The following NSMCE1 variants were observed in gnomAD, a reference collection of about 807,000 sequenced individuals.
NSMCE1 encodes NSE1 component of SMC5/6 complex, also known as non-structural maintenance of chromosomes element 1 homolog.
Under a neutral mutation model 29.6 loss-of-function variants are expected in NSMCE1, and 18 were observed. The ratio of observed to expected loss-of-function variants is 0.61; its 90% CI spans 0.42 to 0.90. The LOEUF (loss-of-function observed/expected upper bound fraction) is 0.90, where lower values mean the gene tolerates loss of function less well. Among genes scored for constraint, NSMCE1 ranks in the 40% least tolerant of loss-of-function variants. NSMCE1 has a pLI of 0.00. For missense variants in NSMCE1, 314 were observed against 343.6 expected (o/e 0.91, Z 0.68); for synonymous variants, 124 against 133.4 (o/e 0.93, Z 0.49).
chr16:27,249,435 T>C (rs548681095), intron 2 of NSMCE1, among the ~76,000 whole-genome samples: 1 of 152,238 alleles, frequency 6.6e-6, no homozygotes, highest in Non-Finnish European at 1.5e-5. Flanking sequence ...TATGACTCAT[T>C]TTGAGATAAT....
chr16:27,226,789 C>G lies in NSMCE1; in HGVS notation c.531G>C (p.Glu177Asp), dbSNP rs1127228. The G allele has an allele frequency of 6.2e-7, 1 of 1,611,782 alleles. No individual in the cohort carries two copies. The highest frequency in any genetic ancestry group is 1.3e-5 in the African/African-American group (1 of 74,852). The part of the protein sequence containing the change: ...TLHGRAILEM[E>D]QYIRETYPDA... ...CGGGGTACGTCTCCCGGATGTATTG[C>G]TCCATCTCCAGGATGGCCCGGCCGT... The change falls in exon 6 of 8, where the codon GAG becomes GAC. Residue 177 changes from glutamate (E) to aspartate (D), a missense_variant. By Grantham distance (45) the Glu-to-Asp change is conservative. Coordinates refer to ENST00000361439, the MANE Select transcript of NSMCE1 (RefSeq NM_145080.4).
intron 1 of NSMCE1, among the ~76,000 whole-genome samples, chr16:27,260,858 C>CAAAAAA (rs55762579): frequency 4.5e-5 from 4 of 87,968 alleles, no homozygotes; most frequent in Non-Finnish European, 9.0e-5. Context: ...GACCCTGTCT[C>CAAAAAA]AAAAAAAAAA....
chr16:27,244,936 T>G (rs1387265652), intron 2 of NSMCE1, among the ~76,000 whole-genome samples: 5 of 152,186 alleles, frequency 3.3e-5, no homozygotes, highest in Non-Finnish European at 5.9e-5. Flanking sequence ...CTTTGTGAAT[T>G]TTCTAGGAAA....
At chr16:27,256,039 T>A (rs964579343) in intron 2 of NSMCE1, among the ~76,000 whole-genome samples, 1 of 152,206 alleles carries the variant, frequency 6.6e-6, no homozygotes, top group African/African-American at 2.4e-5. Context: ...AGCTACAGGA[T>A]GCCTGTGGAC....
intron 2 of NSMCE1, among the ~76,000 whole-genome samples, chr16:27,243,845 C>T (rs2083921152): frequency 6.6e-6 from 1 of 152,168 alleles, no homozygotes; most frequent in Non-Finnish European, 1.5e-5. Context: ...ACCCTGAGGT[C>T]TCGCAATGTT....
At chr16:27,251,838 C>T (rs778540871) in intron 2 of NSMCE1, among the ~76,000 whole-genome samples, 29 of 152,160 alleles carry the variant, frequency 1.9e-4, no homozygotes, top group African/African-American at 5.6e-4. Flanking sequence ...AGTGGAGGGG[C>T]ACTTTGGACA....
chr16:27,233,514 C>G (rs944664928), intron 4 of NSMCE1, among the ~76,000 whole-genome samples: 4 of 152,230 alleles, frequency 2.6e-5, no homozygotes, highest in Non-Finnish European at 5.9e-5. Context: ...TCAGCACCTG[C>G]TCCTCAACCT....
intron 2 of NSMCE1, among the ~76,000 whole-genome samples, chr16:27,240,143 A>T (rs1251258035): frequency 2.0e-5 from 3 of 152,168 alleles, no homozygotes; most frequent in Non-Finnish European, 4.4e-5. Context: ...GCTCCCAGGC[A>T]CTAAGCCCCA....
chr16:27,265,303 T>C (rs952413300), intron 1 of NSMCE1, among the ~76,000 whole-genome samples: 2 of 151,342 alleles, frequency 1.3e-5, no homozygotes, highest in South Asian at 2.1e-4. Context: ...CTAGCAGCTA[T>C]GACTACAGGC....
intron 5 of NSMCE1, among the ~76,000 whole-genome samples, chr16:27,230,411 G>A (rs761673653): frequency 1.3e-5 from 2 of 152,192 alleles, no homozygotes; most frequent in African/African-American, 2.4e-5. Flanking sequence ...GACCTGTCCT[G>A]GGTAAGTGAG....
chr16:27,242,500 T>C (rs1387846483), intron 2 of NSMCE1, among the ~76,000 whole-genome samples: 2 of 152,178 alleles, frequency 1.3e-5, no homozygotes, highest in Non-Finnish European at 2.9e-5. Flanking sequence ...CTCAGCTGCA[T>C]GCATTTATGG....
rs117492133 is a variant in NSMCE1 at position 27,231,704 on chromosome 16, G to A, written c.483+1297C>T. Among the ~76,000 whole-genome samples, 762 of 152,054 alleles carry A rather than the reference G, an allele frequency of 5.0e-3. 3 individuals are homozygous for A. Among genetic ancestry groups the A allele is most frequent in the Non-Finnish European group, 8.6e-3 (583 of 67,990 alleles). On this transcript the variant is annotated intron_variant, in intron 5 of 7. Transcript: ENST00000361439. ...AAGCGAGAATGGTCAGTTATAACCT[G>A]AGTAGCCCTAGAACATTCCCTAGTG... is the stretch of plus-strand genomic sequence containing the variant.
intron 1 of NSMCE1, among the ~76,000 whole-genome samples, chr16:27,259,398 C>A (rs1326092473): frequency 6.6e-6 from 1 of 152,130 alleles, no homozygotes; most frequent in African/African-American, 2.4e-5. Flanking sequence ...ACTTAGCACC[C>A]CCGTATTTGC....
chr16:27,267,934 G>T (rs992300709), intron 1 of NSMCE1, among the ~76,000 whole-genome samples: 2 of 151,956 alleles, frequency 1.3e-5, no homozygotes, highest in Non-Finnish European at 2.9e-5. Context: ...GTAGAGACAG[G>T]GTTTCACCAT....
chr16:27,248,094 G>T (rs1352258856), intron 2 of NSMCE1, among the ~76,000 whole-genome samples: 9 of 152,176 alleles, frequency 5.9e-5, no homozygotes, highest in Non-Finnish European at 1.2e-4. Flanking sequence ...CTGTTCATCT[G>T]TTCAACTGCA....
intron 2 of NSMCE1, among the ~76,000 whole-genome samples, chr16:27,251,195 TATATATATATATAA>T (rs2084030529): frequency 2.1e-4 from 16 of 77,998 alleles, no homozygotes; most frequent in African/African-American, 7.8e-4. Flanking sequence ...TATATAAATA[TATATATATATATAA>T]AACTCTGTAG....
At chr16:27,229,103 T>TG (rs2083737069) in intron 5 of NSMCE1, among the ~76,000 whole-genome samples, 1 of 152,202 alleles carries the variant, frequency 6.6e-6, no homozygotes, top group Non-Finnish European at 1.5e-5. Flanking sequence ...TCTCCCGGGC[T>TG]GCCCTCCGTC....
rs1555477411 is a variant in NSMCE1, at chr16:27,251,191, A to ATATATAAAT, written c.136+6243_136+6244insATTTATATA. Among the ~76,000 whole-genome samples the ATATATAAAT allele has an allele frequency of 6.5e-4, 21 of 32,304 alleles. No individual in the cohort carries two copies. The East Asian group carries it at 0.02, about 30-fold the overall frequency. 21.2% of individuals were successfully genotyped at this position (32,304 alleles called of 152,430 possible). ...ATATATATATATATATATATATATA[A>ATATATAAAT]ATATATATATATATATAAAACTCTG... On this transcript the variant is annotated intron_variant, in intron 2 of 7. Transcript: ENST00000361439.
chr16:27,245,966 G>GGAAT (rs1197976905), intron 2 of NSMCE1, among the ~76,000 whole-genome samples: 2 of 152,152 alleles, frequency 1.3e-5, no homozygotes, highest in Non-Finnish European at 2.9e-5. Context: ...CAGACAGGAT[G>GGAAT]GAATACTAAA....
Sources: allele counts gnomAD v4.1 joint callset (sites outside exome capture counted in the v4.1 genomes callset), GRCh38; gene constraint gnomAD v4.1.1; transcripts MANE v1.5; gene names NCBI Gene and HGNC (gene_info 2026-07-23, HGNC 2026-07-21).